EZH2: variants seen among roughly 807,000 people sequenced by gnomAD.
EZH2 encodes histone-lysine N-methyltransferase EZH2.
A neutral mutation model predicts 98.4 loss-of-function variants in EZH2; 18 were observed. The ratio of observed to expected loss-of-function variants is 0.18; its 90% CI spans 0.13 to 0.27. EZH2 has a LOEUF of 0.27. Ranked by LOEUF, EZH2 falls within the 10% of genes least tolerant of loss-of-function variation. EZH2 has a pLI of 1.00. For missense variants in EZH2, 470 were observed against 935.1 expected, an observed-to-expected ratio of 0.50 and a Z score of 6.49; for synonymous variants, 338 against 312.3, an observed-to-expected ratio of 1.08 and a Z score of -0.87.
intron 1 of EZH2, among the ~76,000 whole-genome samples, chr7:148,853,093 T>C (rs933981131): frequency 6.6e-6 from 1 of 152,186 alleles, no homozygotes; most frequent in African/African-American, 2.4e-5. Flanking sequence ...GATGAAACTG[T>C]TCCACCTCAG....
chr7:148,874,078 G>A (rs976221012), intron 1 of EZH2, among the ~76,000 whole-genome samples: 1 of 152,090 alleles, frequency 6.6e-6, no homozygotes, highest in Non-Finnish European at 1.5e-5. Context: ...ATCAACAGGA[G>A]AAAGATATAA....
chr7:148,872,053 A>C lies in EZH2; in HGVS notation c.-8+12111T>G, dbSNP rs1351313461. On this transcript the variant is annotated intron_variant, in intron 1 of 19. Coordinates refer to ENST00000320356, the MANE Select transcript of EZH2 (RefSeq NM_004456.5). ...ATATTACTCCTGGCTAACCATGAAT[A>C]GTGAATCACCAAATCACCAAGCAAC... Among the ~76,000 whole-genome samples the C allele has an allele frequency of 2.0e-5, 3 of 152,252 alleles. No individual in the cohort carries two copies. The East Asian group carries it at 5.8e-4, about 29-fold the overall frequency.
Position 148,861,234 on chromosome 7 carries a change from T to C in EZH2, c.-7-13929A>G, listed in dbSNP as rs977197331. The stretch of plus-strand genomic sequence containing the variant: ...TATACTGTATTATTTGTATCTTTTT[T>C]TTTTTTTTTGGAGACAGAGTCTCAC... On this transcript the variant is annotated intron_variant, in intron 1 of 19. Transcript: ENST00000320356. Among the ~76,000 whole-genome samples the C allele has an allele frequency of 4.0e-5, 6 of 151,486 alleles. No homozygotes were observed. In the East Asian group the frequency reaches 5.8e-4, roughly 15 times the overall value.
intron 3 of EZH2, chr7:148,836,747 C>A: frequency 2.3e-6 from 1 of 429,126 alleles, no homozygotes; most frequent in East Asian, 5.2e-5. Context: ...GAATCATTAC[C>A]AAGGATGCTA....
At position 148,816,894 on chromosome 7, in the gene EZH2, G is replaced by A. The variant is rs575621871; in HGVS notation, c.1411-116C>T. 2.5e-4 allele frequency: 188 copies of A among 749,986 alleles called. 1 individual carries two copies. In the African/African-American group the frequency reaches 3.0e-3, roughly 12 times the overall value. 46.5% of individuals were successfully genotyped at this position (749,986 alleles called of 1,614,324 possible). On this transcript the variant is annotated intron_variant, in intron 11 of 19. Transcript: ENST00000320356. ...CTCTTCTGTGACACTGCTAGATGCT[G>A]GGGATATAACACACATCGCTGTCCC... is the stretch of plus-strand genomic sequence containing the variant.
chr7:148,866,240 T>C (rs945279413), intron 1 of EZH2, among the ~76,000 whole-genome samples: 2 of 152,094 alleles, frequency 1.3e-5, no homozygotes, highest in Non-Finnish European at 2.9e-5. Context: ...TCAGTATCTG[T>C]GCTATGGTCT....
chr7:148,811,741 A>C (rs2072407), intron 15 of EZH2, 21 bp from the exon 16 acceptor site: 1 of 1,597,422 alleles, frequency 6.3e-7, no homozygotes, highest in Non-Finnish European at 8.5e-7. Flanking sequence ...AAACACAATC[A>C]CATCATCAAA....
At chr7:148,814,805 G>C in intron 14 of EZH2, 109 bp downstream of exon 14, 3 of 1,327,252 alleles carry the variant, frequency 2.3e-6, no homozygotes, top group Non-Finnish European at 3.0e-6. Flanking sequence ...GATGAGTTTC[G>C]TCAAGTAAAC....
intron 1 of EZH2, among the ~76,000 whole-genome samples, chr7:148,871,783 C>T (rs990885569): frequency 6.6e-6 from 1 of 152,044 alleles, no homozygotes; most frequent in Admixed American, 6.6e-5. Flanking sequence ...CTATGTTGTC[C>T]AGGCTGGTCT....
intron 3 of EZH2, among the ~76,000 whole-genome samples, chr7:148,843,608 T>G (rs1034529793): frequency 1.7e-4 from 22 of 129,764 alleles, no homozygotes; most frequent in African/African-American, 6.1e-4. Context: ...TTTTTTTTTT[T>G]TTTTTGAGAC....
At chr7:148,868,800 A>C (rs1422530513) in intron 1 of EZH2, among the ~76,000 whole-genome samples, 1 of 152,200 alleles carries the variant, frequency 6.6e-6, no homozygotes, top group Non-Finnish European at 1.5e-5. Context: ...CTTTATTTGA[A>C]TAGCCCTAAT....
At chr7:148,818,345 A>T (rs2129471959) in intron 9 of EZH2, among the ~76,000 whole-genome samples, 1 of 152,358 alleles carries the variant, frequency 6.6e-6, no homozygotes, top group East Asian at 1.9e-4. Context: ...ATGGTACAAA[A>T]ATCAGGCAAG....
chr7:148,809,246 G>T, intron 18 of EZH2, 64 bp downstream of exon 18: 2 of 1,582,688 alleles, frequency 1.3e-6, no homozygotes, highest in East Asian at 2.2e-5. Context: ...TATCCCAGAA[G>T]TATTCAAGTC....
At chr7:148,859,197 G>T (rs1025848656) in intron 1 of EZH2, among the ~76,000 whole-genome samples, 1 of 152,130 alleles carries the variant, frequency 6.6e-6, no homozygotes, top group Non-Finnish European at 1.5e-5. Flanking sequence ...TTAAAATCTA[G>T]TTGGACAGAA....
chr7:148,847,443 C>A, intron 1 of EZH2, 138 bp from the exon 2 acceptor site: 1 of 1,040,658 alleles, frequency 9.6e-7, no homozygotes, highest in Non-Finnish European at 1.4e-6. Context: ...GAAAGGTGCT[C>A]ATTTGTGCTG....
intron 1 of EZH2, among the ~76,000 whole-genome samples, chr7:148,857,573 A>G (rs996108431): frequency 6.6e-6 from 1 of 152,064 alleles, no homozygotes; most frequent in African/African-American, 2.4e-5. Flanking sequence ...CAATATGGTG[A>G]AACCCAGTCT....
chr7:148,845,764 C>T (rs1813849237), intron 3 of EZH2, among the ~76,000 whole-genome samples: 1 of 152,220 alleles, frequency 6.6e-6, no homozygotes, highest in African/African-American at 2.4e-5. Context: ...TCCCCTTTTG[C>T]TTCAACTCCC....
chr7:148,816,800 G>C, intron 11 of EZH2, 22 bp from the exon 12 acceptor site: 2 of 1,563,200 alleles, frequency 1.3e-6, no homozygotes, highest in African/African-American at 1.4e-5. Flanking sequence ...CACAGTCACA[G>C]AGCCATGAGG....
At chr7:148,868,855 C>A (rs1053410663) in intron 1 of EZH2, among the ~76,000 whole-genome samples, 1 of 152,096 alleles carries the variant, frequency 6.6e-6, no homozygotes, top group Non-Finnish European at 1.5e-5. Context: ...AAGAAATTTT[C>A]TTTTCTAGAA....
Sources: gnomAD v4.1 joint callset for allele counts (sites outside exome capture counted in the v4.1 genomes callset) on GRCh38, gnomAD v4.1.1 for gene constraint, MANE v1.5 for transcripts, NCBI Gene and HGNC (gene_info 2026-07-23, HGNC 2026-07-21) for gene names.